GABRR2: variants seen among roughly 807,000 people sequenced by gnomAD.
GABRR2 encodes gamma-aminobutyric acid type A receptor subunit rho2.
Under a neutral mutation model 47.0 loss-of-function variants are expected in GABRR2, and 36 were observed. The observed-to-expected ratio is 0.77, with a 90% CI of 0.59 to 1.01. The LOEUF (loss-of-function observed/expected upper bound fraction) is 1.01. Among genes scored for constraint, GABRR2 ranks in the 50% least tolerant of loss-of-function variants. The pLI is 0.00. For missense variants in GABRR2, 587 were observed against 594.6 expected (o/e 0.99, Z 0.13); for synonymous variants, 204 against 227.5 (o/e 0.90, Z 0.93).
At position 89,280,227 on chromosome 6, in the gene GABRR2, T is replaced by TA. The variant is rs1204414480; in HGVS notation, c.221-8506dup. ...CTAAAAACAAATATATATATATATATATATATATATATATATATATATATA... is the reference window on the plus strand; with the variant it reads ...CTAAAAACAAATATATATATATATATAATATATATATATATATATATATATA... On this transcript the variant is annotated intron_variant, in intron 2 of 8. Transcript: ENST00000402938. Among the ~76,000 whole-genome samples the TA allele has an allele frequency of 8.4e-4, 66 of 79,026 alleles. 1 individual carries two copies. Among genetic ancestry groups the TA allele is most frequent in the African/African-American group, 3.1e-3 (65 of 21,038 alleles). 51.8% of individuals were successfully genotyped at this position (79,026 alleles called of 152,430 possible). A position where few individuals can be genotyped will look rare whatever the true frequency, so the allele number is the denominator to read the frequency against.
At chr6:89,301,928 T>A (rs974903551) in intron 1 of GABRR2, 9 of 1,014,174 alleles carry the variant, frequency 8.9e-6, no homozygotes, top group Non-Finnish European at 1.1e-5. Context: ...CAGATCAGCA[T>A]CTACTACAAC....
Position 89,255,464 on chromosome 6 carries a change from A to G in GABRR2, c.*2206T>C, listed in dbSNP as rs1196359441. ...GAAAAGAAAAAAAGGTTTCTAAACA[A>G]GTCCAGATGCCCTGTACCACCCAAT... On this transcript the variant is annotated 3_prime_UTR_variant, in exon 9 of 9. Transcript: ENST00000402938. Among the ~76,000 whole-genome samples the G allele has an allele frequency of 6.6e-6, 1 of 152,194 alleles. No homozygotes were observed. The highest frequency in any genetic ancestry group is 1.5e-5 in the Non-Finnish European group (1 of 68,028).
intron 2 of GABRR2, among the ~76,000 whole-genome samples, chr6:89,280,253 T>TATATATATATATATATATAC (rs1242640059): frequency 1.6e-5 from 2 of 124,784 alleles, no homozygotes; most frequent in African/African-American, 6.3e-5. Flanking sequence ...TATATATATA[T>TATATATATATATATATATAC]ACATACATAT....
chr6:89,257,434 C>T lies in GABRR2; in HGVS notation c.*236G>A. 1.9e-6 allele frequency: 1 copy of T among 538,930 alleles called. No homozygotes were observed. Among genetic ancestry groups the T allele is most frequent in the Non-Finnish European group, 3.3e-6 (1 of 303,424 alleles). The allele number at this position is 538,930 out of a possible 1,614,324, so 33.4% of individuals were successfully genotyped here. On this transcript the variant is annotated 3_prime_UTR_variant, in exon 9 of 9. Transcript: ENST00000402938. ...AGTTCACACACAAGAACAGAAGGTC[C>T]CAGAGAGATGTGAAGTGTGACGCGA...
At chr6:89,263,872 T>TTTTTTAAAGAAATATATATATATATA (rs1773813304) in intron 8 of GABRR2, among the ~76,000 whole-genome samples, 1 of 152,230 alleles carries the variant, frequency 6.6e-6, no homozygotes, top group East Asian at 1.9e-4. Flanking sequence ...TAAAAGGTTT[T>TTTTTTAAAGAAATATATATATATATA]TTTTTAAAGA....
chr6:89,275,006 A>G (rs1188898957), intron 2 of GABRR2, among the ~76,000 whole-genome samples: 10 of 152,202 alleles, frequency 6.6e-5, no homozygotes, highest in Non-Finnish European at 1.2e-4. Flanking sequence ...AGGGAAATAC[A>G]TGCTTAGCCA....
intron 8 of GABRR2, among the ~76,000 whole-genome samples, chr6:89,261,053 T>C (rs1029766323): frequency 2.0e-5 from 3 of 152,208 alleles, no homozygotes; most frequent in Non-Finnish European, 4.4e-5. Context: ...TCTCCATAGA[T>C]GACTTCCTTG....
intron 8 of GABRR2, 21 bp downstream of exon 8, chr6:89,264,391 G>A (rs750304189): frequency 6.2e-7 from 1 of 1,606,576 alleles, no homozygotes; most frequent in Admixed American, 1.7e-5. Flanking sequence ...ACTTAGACAA[G>A]GGCCGAAGAA....
intron 2 of GABRR2, among the ~76,000 whole-genome samples, chr6:89,281,191 C>T (rs572081476): frequency 5.9e-5 from 9 of 152,286 alleles, no homozygotes; most frequent in South Asian, 4.1e-4. Context: ...GACTGCAATT[C>T]GCAATATGGA....
intron 2 of GABRR2, among the ~76,000 whole-genome samples, chr6:89,277,868 T>TGGGGGGGGGGG (rs141786803): frequency 1.2e-5 from 1 of 84,402 alleles, no homozygotes. Context: ...TGGGCGGGGG[T>TGGGGGGGGGGG]GGGGGGGGGT....
chr6:89,279,144 G>A lies in GABRR2; in HGVS notation c.221-7422C>T, dbSNP rs1774216376. ...CCGAGCAGGGTGGAGCCGTCTCTCTGTCCCTCAGATCCCCGGCCTGGCCCT... is the reference window on the plus strand; with the variant it reads ...CCGAGCAGGGTGGAGCCGTCTCTCTATCCCTCAGATCCCCGGCCTGGCCCT... On this transcript the variant is annotated intron_variant, in intron 2 of 8. Coordinates refer to ENST00000402938, the MANE Select transcript of GABRR2 (RefSeq NM_002043.5). 2.6e-5 allele frequency among the ~76,000 whole-genome samples: 4 copies of A among 152,200 alleles called. No individual in the cohort carries two copies. In the South Asian group the frequency reaches 8.3e-4, roughly 32 times the overall value.
At chr6:89,288,231 G>A (rs1405059331) in intron 2 of GABRR2, among the ~76,000 whole-genome samples, 7 of 152,074 alleles carry the variant, frequency 4.6e-5, no homozygotes, top group African/African-American at 7.2e-5. Flanking sequence ...ACCAGAGAGG[G>A]GAGGACCAAT....
chr6:89,278,825 A>G (rs1332040437), intron 2 of GABRR2, among the ~76,000 whole-genome samples: 1 of 152,226 alleles, frequency 6.6e-6, no homozygotes, highest in African/African-American at 2.4e-5. Flanking sequence ...AGAGACCAAG[A>G]TCTAAGGTCA....
chr6:89,281,244 G>T (rs542376380), intron 2 of GABRR2, among the ~76,000 whole-genome samples: 1 of 152,298 alleles, frequency 6.6e-6, no homozygotes, highest in Admixed American at 6.5e-5. Flanking sequence ...CTTAAAATCC[G>T]TGGAGAGGAG....
rs959167606 is a variant in GABRR2, at chr6:89,255,608, A to T, written c.*2062T>A. Among the ~76,000 whole-genome samples the T allele has an allele frequency of 1.9e-4, 29 of 152,130 alleles. No individual in the cohort carries two copies. The East Asian group carries it at 5.2e-3, about 27-fold the overall frequency. On this transcript the variant is annotated 3_prime_UTR_variant, in exon 9 of 9. Transcript: ENST00000402938. ...CCTCATAAGCACCGGCATGGTGGGG[A>T]CCTGCCTTGATCCCTAGTGTTGTGG...
At position 89,257,706 on chromosome 6, in the gene GABRR2, T is replaced by C. The variant is rs142443783; in HGVS notation, c.1362A>G (p.Ile454Met). ...YSRLIFPASY[I>M]FFNLIYWSVF... Reference sequence around the variant, plus strand: ...CTGACCAATAAATTAAGTTGAAAAATATGTAGGAGGCAGGGAATATCAACC... The same window carrying C: ...CTGACCAATAAATTAAGTTGAAAAACATGTAGGAGGCAGGGAATATCAACC... The change falls in exon 9 of 9, where the codon ATA becomes ATG. Residue 454 changes from isoleucine (I) to methionine (M), a missense_variant. Ile to Met is a conservative substitution (Grantham distance 10, BLOSUM62 1). Coordinates refer to ENST00000402938, the MANE Select transcript of GABRR2 (RefSeq NM_002043.5). 5.6e-6 allele frequency: 9 copies of C among 1,613,350 alleles called. No individual in the cohort carries two copies. The highest frequency in any genetic ancestry group is 7.6e-6 in the Non-Finnish European group (9 of 1,179,690).
chr6:89,312,291 A>G (rs770491076), intron 1 of GABRR2, among the ~76,000 whole-genome samples: 1 of 152,254 alleles, frequency 6.6e-6, no homozygotes. Context: ...AAGAGGAAAC[A>G]GACTCACTCT....
At position 89,269,229 on chromosome 6, in the gene GABRR2, G is replaced by T. The variant is rs1337100073; in HGVS notation, c.294C>A (p.Phe98Leu). ...AATGCCGCAGGTACAGGGTCATAGT[G>T]AAGTCCTGTGGGAGCCGGGGTGAGA... ...LDSISEVDMD[F>L]TMTLYLRHYW... The change falls in exon 4 of 9, where the codon TTC becomes TTA. Residue 98 changes from phenylalanine to leucine, a missense_variant. Coordinates refer to ENST00000402938, the MANE Select transcript of GABRR2 (RefSeq NM_002043.5). 6.2e-7 allele frequency: 1 copy of T among 1,613,776 alleles called. No homozygotes were observed. Among genetic ancestry groups the T allele is most frequent in the East Asian group, 2.2e-5 (1 of 44,882 alleles).
At chr6:89,296,075 G>T (rs1024418907) in intron 2 of GABRR2, among the ~76,000 whole-genome samples, 3 of 152,154 alleles carry the variant, frequency 2.0e-5, no homozygotes, top group Non-Finnish European at 4.4e-5. Context: ...CTGCTTCCAG[G>T]GAATGAGACA....
Sources: gnomAD v4.1 joint callset for allele counts (sites outside exome capture counted in the v4.1 genomes callset) on GRCh38, gnomAD v4.1.1 for gene constraint, MANE v1.5 for transcripts, NCBI Gene and HGNC (gene_info 2026-07-23, HGNC 2026-07-21) for gene names.